The following CCSER1 variants were observed in gnomAD, a reference collection of about 807,000 sequenced individuals.
CCSER1 encodes serine-rich coiled-coil domain-containing protein 1.
A neutral mutation model predicts 82.0 loss-of-function variants in CCSER1; 41 were observed. The observed-to-expected ratio is 0.50, with a 90% CI of 0.39 to 0.65. The LOEUF (loss-of-function observed/expected upper bound fraction) is 0.65, where lower values mean the gene tolerates loss of function less well. Ranked by LOEUF, CCSER1 falls within the 30% of genes least tolerant of loss-of-function variation. The probability of loss-of-function intolerance (pLI) is 0.00; values close to 1 mark genes in which losing one functional copy is unlikely to be tolerated. For synonymous variants in CCSER1, 414 were observed against 383.9 expected (o/e 1.08, Z -0.92); for missense variants, 1,119 against 1,064.2 (o/e 1.05, Z -0.72).
At chr4:91,168,332 C>G (rs565861731) in intron 10 of CCSER1, among the ~76,000 whole-genome samples, 8 of 146,422 alleles carry the variant, frequency 5.5e-5, no homozygotes, top group East Asian at 2.1e-4. Flanking sequence ...CCGGCCACCC[C>G]CTCTGGGAAG....
intron 4 of CCSER1, among the ~76,000 whole-genome samples, chr4:90,456,528 G>A (rs967787399): frequency 2.0e-5 from 3 of 152,132 alleles, no homozygotes; most frequent in Non-Finnish European, 4.4e-5. Flanking sequence ...TATAGCCTCA[G>A]CCAGATACCC....
intron 5 of CCSER1, among the ~76,000 whole-genome samples, chr4:90,491,030 T>G (rs781004588): frequency 2.0e-5 from 3 of 152,210 alleles, no homozygotes; most frequent in Non-Finnish European, 2.9e-5. Context: ...ATAGGAACTT[T>G]AAAGTAGTTT....
At chr4:91,445,703 C>A (rs1446234927) in intron 10 of CCSER1, among the ~76,000 whole-genome samples, 1 of 152,008 alleles carries the variant, frequency 6.6e-6, no homozygotes, top group Admixed American at 6.6e-5. Flanking sequence ...ATTTATCTTT[C>A]AATCTAACTA....
intron 7 of CCSER1, among the ~76,000 whole-genome samples, chr4:90,735,534 A>G (rs1413662287): frequency 1.3e-5 from 2 of 152,050 alleles, no homozygotes; most frequent in Non-Finnish European, 2.9e-5. Context: ...ACATTTCTTC[A>G]TGGTTCAGTC....
intron 5 of CCSER1, among the ~76,000 whole-genome samples, chr4:90,601,048 T>G (rs1783975225): frequency 6.6e-6 from 1 of 152,058 alleles, no homozygotes; most frequent in South Asian, 2.1e-4. Context: ...TTAAATAACT[T>G]ATTAGTTCTA....
At chr4:91,075,273 T>G (rs1721858284) in intron 9 of CCSER1, among the ~76,000 whole-genome samples, 1 of 152,092 alleles carries the variant, frequency 6.6e-6, no homozygotes, top group African/African-American at 2.4e-5. Context: ...TAGGGTAATT[T>G]TTTTCCTACC....
chr4:91,134,767 A>G (rs1337641673), intron 10 of CCSER1, among the ~76,000 whole-genome samples: 2 of 152,134 alleles, frequency 1.3e-5, no homozygotes, highest in Non-Finnish European at 2.9e-5. Flanking sequence ...TTCAGTCTTA[A>G]AATACTCCTC....
chr4:90,494,039 A>C (rs1218903811), intron 5 of CCSER1, among the ~76,000 whole-genome samples: 2 of 152,214 alleles, frequency 1.3e-5, no homozygotes, highest in Admixed American at 6.5e-5. Context: ...GCAGAGACAC[A>C]CATAGGCTCA....
chr4:91,380,157 T>G (rs1164143190), intron 10 of CCSER1, among the ~76,000 whole-genome samples: 1 of 152,164 alleles, frequency 6.6e-6, no homozygotes, highest in Non-Finnish European at 1.5e-5. Flanking sequence ...GAGGAGTGCT[T>G]TACTTCCAAC....
At chr4:90,547,883 G>A (rs537686967) in intron 5 of CCSER1, among the ~76,000 whole-genome samples, 5 of 152,154 alleles carry the variant, frequency 3.3e-5, no homozygotes, top group African/African-American at 1.2e-4. Context: ...ATATAACAGT[G>A]GCAAAATATG....
rs566126260 is a variant in CCSER1 at position 90,374,872 on chromosome 4, C to A, written c.1510-25164C>A. ...GTGCTTCTTTTATTACCAAAAAAACCCCAATAATTAATGGGCTGATAGTTA... is the reference window on the plus strand; with the variant it reads ...GTGCTTCTTTTATTACCAAAAAAACACCAATAATTAATGGGCTGATAGTTA... On this transcript the variant is annotated intron_variant, in intron 3 of 10. Coordinates refer to ENST00000509176, the MANE Select transcript of CCSER1 (RefSeq NM_001145065.2). Among the ~76,000 whole-genome samples the A allele has an allele frequency of 3.3e-5, 5 of 152,170 alleles. No homozygotes were observed. The East Asian group carries it at 9.7e-4, about 29-fold the overall frequency.
At chr4:90,199,732 G>A (rs1737292647) in intron 1 of CCSER1, among the ~76,000 whole-genome samples, 1 of 152,072 alleles carries the variant, frequency 6.6e-6, no homozygotes, top group South Asian at 2.1e-4. Context: ...TATAAAATTA[G>A]TGGGTTTGGG....
At chr4:90,720,468 C>G (rs1742483866) in intron 6 of CCSER1, among the ~76,000 whole-genome samples, 1 of 151,874 alleles carries the variant, frequency 6.6e-6, no homozygotes, top group Non-Finnish European at 1.5e-5. Context: ...AATTAACTCC[C>G]TAACTTATGA....
At chr4:90,792,841 A>G (rs1164058870) in intron 7 of CCSER1, among the ~76,000 whole-genome samples, 1 of 152,186 alleles carries the variant, frequency 6.6e-6, no homozygotes, top group Admixed American at 6.5e-5. Flanking sequence ...GCTCTGGGGA[A>G]TAGGGGCTGT....
In CCSER1 at chr4:90,247,287, CTT is replaced by C. The variant is rs1183921854; in HGVS notation, c.-41-60955_-41-60954del. Among the ~76,000 whole-genome samples the C allele has an allele frequency of 3.3e-5, 5 of 152,232 alleles. No homozygotes were observed. In the East Asian group the frequency reaches 9.6e-4, roughly 29 times the overall value. ...CCATAGCAAACATTAGGCATAAAAT[CTT>C]TATCAAATTCTTATCTCGTACAGAG... On this transcript the variant is annotated intron_variant, in intron 1 of 10. Transcript: ENST00000509176.
chr4:90,812,398 A>T (rs1036004831), intron 7 of CCSER1, among the ~76,000 whole-genome samples: 2 of 152,178 alleles, frequency 1.3e-5, no homozygotes, highest in South Asian at 4.1e-4. Flanking sequence ...ACACCAGCAT[A>T]GAGTAGTAGA....
intron 10 of CCSER1, among the ~76,000 whole-genome samples, chr4:91,174,930 G>C (rs1310991650): frequency 6.6e-6 from 1 of 151,528 alleles, no homozygotes; most frequent in Non-Finnish European, 1.5e-5. Flanking sequence ...ACATTAACTA[G>C]TCATTTACAA....
chr4:90,229,900 C>A (rs992854882), intron 1 of CCSER1, among the ~76,000 whole-genome samples: 1 of 152,152 alleles, frequency 6.6e-6, no homozygotes, highest in Non-Finnish European at 1.5e-5. Context: ...GGAAAGGGAT[C>A]AATTCAACAA....
At chr4:90,423,054 T>C (rs1756951802) in intron 4 of CCSER1, among the ~76,000 whole-genome samples, 1 of 152,174 alleles carries the variant, frequency 6.6e-6, no homozygotes, top group Non-Finnish European at 1.5e-5. Flanking sequence ...ATCTAGTTTT[T>C]TTCACATATC....
Sources: gnomAD v4.1 joint callset for allele counts (sites outside exome capture counted in the v4.1 genomes callset) on GRCh38, gnomAD v4.1.1 for gene constraint, MANE v1.5 for transcripts, NCBI Gene and HGNC (gene_info 2026-07-23, HGNC 2026-07-21) for gene names.